Variants in NFATC3 observed in about 807,000 individuals in gnomAD.
NFATC3 encodes the protein nuclear factor of activated T-cells, cytoplasmic 3.
A neutral mutation model predicts 98.6 loss-of-function variants in NFATC3; 46 were observed. That is an observed-to-expected ratio of 0.47 (90% CI 0.37 to 0.60). The LOEUF (loss-of-function observed/expected upper bound fraction) is 0.60, where lower values mean the gene tolerates loss of function less well. Ranked by LOEUF, NFATC3 falls within the 20% of genes least tolerant of loss-of-function variation. The pLI is 0.00. For missense variants in NFATC3, 1,256 were observed against 1,295.5 expected (o/e 0.97, Z 0.47); for synonymous variants, 512 against 472.2 (o/e 1.08, Z -1.09).
intron 4 of NFATC3, among the ~76,000 whole-genome samples, chr16:68,163,723 G>A (rs1174413984): frequency 4.1e-5 from 6 of 147,564 alleles, no homozygotes; most frequent in Middle Eastern, 3.5e-3. Context: ...CCTCCCAGAC[G>A]GGGTCGCGGC....
intron 1 of NFATC3, among the ~76,000 whole-genome samples, chr16:68,120,641 A>G (rs28700885): frequency 0.23 from 34,463 of 150,984 alleles, 4,431 homozygotes; most frequent in African/African-American, 0.34. Context: ...TACTCAGGAG[A>G]CTGAGACAGG....
chr16:68,211,177 A>T (rs751111675), intron 9 of NFATC3, among the ~76,000 whole-genome samples: 1 of 151,434 alleles, frequency 6.6e-6, no homozygotes. Flanking sequence ...TTTCAAAAGA[A>T]TCGAAACTCT....
chr16:68,216,960 T>C (rs1415335169), intron 9 of NFATC3, among the ~76,000 whole-genome samples: 1 of 152,172 alleles, frequency 6.6e-6, no homozygotes, highest in Non-Finnish European at 1.5e-5. Context: ...AAAGTGAATC[T>C]CTGATCTATT....
chr16:68,223,444 T>G, intron 9 of NFATC3, among the ~76,000 whole-genome samples: 1 of 152,236 alleles, frequency 6.6e-6, no homozygotes, highest in Non-Finnish European at 1.5e-5. Context: ...ATCACGGTTC[T>G]TGCCATTAGA....
intron 3 of NFATC3, among the ~76,000 whole-genome samples, chr16:68,153,546 G>A (rs1025635540): frequency 6.6e-6 from 1 of 152,128 alleles, no homozygotes; most frequent in East Asian, 1.9e-4. Context: ...CTGTTACCTC[G>A]ACTACAGTGT....
chr16:68,184,780 G>A (rs1317073604), intron 8 of NFATC3, among the ~76,000 whole-genome samples: 3 of 151,662 alleles, frequency 2.0e-5, no homozygotes, highest in Non-Finnish European at 2.9e-5. Context: ...CTCCAGCCTG[G>A]GCAACAGAGC....
At chr16:68,167,063 A>G in intron 5 of NFATC3, 48 bp downstream of exon 5, 1 of 1,556,864 alleles carries the variant, frequency 6.4e-7, no homozygotes, top group Non-Finnish European at 8.8e-7. Flanking sequence ...ATAATAGCTT[A>G]TTTTCTGTTT....
At chr16:68,088,487 T>TAATATATA (rs1192368538) in intron 1 of NFATC3, among the ~76,000 whole-genome samples, 1 of 144,228 alleles carries the variant, frequency 6.9e-6, no homozygotes, top group African/African-American at 2.5e-5. Context: ...GTAGTGTATA[T>TAATATATA]AATATATATT....
At chr16:68,219,757 T>C (rs919504348) in intron 9 of NFATC3, among the ~76,000 whole-genome samples, 1 of 152,114 alleles carries the variant, frequency 6.6e-6, no homozygotes, top group Admixed American at 6.5e-5. Context: ...CTTTACAAAA[T>C]TGCAAATTAG....
intron 6 of NFATC3, among the ~76,000 whole-genome samples, chr16:68,181,118 C>T (rs1174233058): frequency 6.6e-6 from 1 of 152,208 alleles, no homozygotes; most frequent in East Asian, 1.9e-4. Flanking sequence ...TACAGTCCCA[C>T]CAACAGTGTA....
chr16:68,088,661 GT>G (rs1278583208), intron 1 of NFATC3: 1 of 152,000 alleles, frequency 6.6e-6, no homozygotes, highest in African/African-American at 2.4e-5. Context: ...TGCCTCCTGA[GT>G]AGTTGGGATT....
intron 9 of NFATC3, among the ~76,000 whole-genome samples, chr16:68,211,730 C>T (rs932105098): frequency 1.3e-5 from 2 of 151,538 alleles, no homozygotes; most frequent in Non-Finnish European, 2.9e-5. Context: ...CCATGCTGGC[C>T]AGGCTGGTCT....
intron 1 of NFATC3, chr16:68,086,500 G>T: frequency 4.5e-6 from 1 of 219,864 alleles, no homozygotes; most frequent in African/African-American, 2.3e-5. Context: ...ATCTTGAATT[G>T]GGAAAGCTGG....
chr16:68,172,709 A>G (rs565534015), intron 5 of NFATC3, among the ~76,000 whole-genome samples: 2 of 152,290 alleles, frequency 1.3e-5, no homozygotes, highest in Non-Finnish European at 2.9e-5. Flanking sequence ...TTGAGCACAG[A>G]AGGTTGAGGC....
At chr16:68,201,403 T>G (rs943292809) in intron 9 of NFATC3, among the ~76,000 whole-genome samples, 3 of 151,740 alleles carry the variant, frequency 2.0e-5, no homozygotes, top group African/African-American at 7.3e-5. Context: ...AGCTGATTTT[T>G]GGGGGGTTTT....
intron 3 of NFATC3, among the ~76,000 whole-genome samples, chr16:68,144,722 A>G (rs1324008062): frequency 6.6e-6 from 1 of 152,000 alleles, no homozygotes; most frequent in Non-Finnish European, 1.5e-5. Context: ...CAGAGACTCC[A>G]TCTCAGCTCA....
At chr16:68,144,056 A>G (rs2037902169) in intron 3 of NFATC3, among the ~76,000 whole-genome samples, 1 of 152,196 alleles carries the variant, frequency 6.6e-6, no homozygotes, top group Non-Finnish European at 1.5e-5. Context: ...TAAAAGGATG[A>G]AAAGACAAGC....
At chr16:68,091,779 G>C (rs1290747964) in intron 1 of NFATC3, among the ~76,000 whole-genome samples, 1 of 152,198 alleles carries the variant, frequency 6.6e-6, no homozygotes, top group East Asian at 1.9e-4. Context: ...GTGTAAAGCT[G>C]TCCTGGTGGG....
intron 9 of NFATC3, chr16:68,192,279 G>GTATA (rs577002611): frequency 7.9e-6 from 1 of 126,000 alleles, no homozygotes; most frequent in Non-Finnish European, 1.6e-5. Context: ...ATATGTATGT[G>GTATA]TATATATATA....
Sources: allele counts gnomAD v4.1 joint callset (sites outside exome capture counted in the v4.1 genomes callset), GRCh38; gene constraint gnomAD v4.1.1; transcripts MANE v1.5; gene names NCBI Gene and HGNC (gene_info 2026-07-23, HGNC 2026-07-21).